The following ESRRB variants were observed in gnomAD, a reference collection of about 807,000 sequenced individuals.
The protein encoded by ESRRB is estrogen related receptor beta, also known as steroid hormone receptor ERR2.
ESRRB carries 16 observed loss-of-function variants against 46.0 expected under a neutral mutation model. The observed-to-expected ratio is 0.35, with a 90% CI of 0.24 to 0.53. The LOEUF is 0.53. ESRRB is among the 20% of genes least tolerant of loss of function. The probability of loss-of-function intolerance (pLI) is 0.93; values close to 1 mark genes in which losing one functional copy is unlikely to be tolerated. For synonymous variants in ESRRB, 246 were observed against 259.6 expected (o/e 0.95, Z 0.50); for missense variants, 488 against 607.4 (o/e 0.80, Z 2.07).
intron 6 of ESRRB, among the ~76,000 whole-genome samples, chr14:76,493,653 G>C (rs1302080240): frequency 6.6e-6 from 1 of 152,234 alleles, no homozygotes; most frequent in African/African-American, 2.4e-5. Flanking sequence ...CAACTGGTTT[G>C]CTCAATACTG....
At chr14:76,314,049 C>T (rs933512296) in intron 1 of ESRRB, among the ~76,000 whole-genome samples, 1 of 152,052 alleles carries the variant, frequency 6.6e-6, no homozygotes, top group Non-Finnish European at 1.5e-5. Flanking sequence ...TATGAGTCTC[C>T]CAGTGAGAGT....
intron 2 of ESRRB, among the ~76,000 whole-genome samples, chr14:76,444,985 A>G (rs939305048): frequency 6.6e-6 from 1 of 151,794 alleles, no homozygotes; most frequent in Admixed American, 6.6e-5. Flanking sequence ...TTGTGTAACA[A>G]AGCGAGACCC....
At chr14:76,470,857 T>A (rs1345295664) in intron 3 of ESRRB, among the ~76,000 whole-genome samples, 2 of 152,158 alleles carry the variant, frequency 1.3e-5, no homozygotes, top group African/African-American at 4.8e-5. Flanking sequence ...GGGGCTAATT[T>A]AAAAAATTTT....
chr14:76,350,547 C>T (rs904940330), intron 1 of ESRRB, among the ~76,000 whole-genome samples: 12 of 152,308 alleles, frequency 7.9e-5, no homozygotes, highest in African/African-American at 2.9e-4. Flanking sequence ...TGTAACTTCA[C>T]AATGAGGGAC....
intron 1 of ESRRB, among the ~76,000 whole-genome samples, chr14:76,324,963 C>CTTTTTTTTTTTTTTTTT (rs34780208): frequency 1.1e-4 from 11 of 102,204 alleles, no homozygotes; most frequent in Admixed American, 2.3e-4. Context: ...TTTTCTTTTT[C>CTTTTTTTTTTTTTTTTT]TTTTTTTTTT....
At chr14:76,438,398 A>C (rs1887763843) in intron 1 of ESRRB, among the ~76,000 whole-genome samples, 2 of 152,190 alleles carry the variant, frequency 1.3e-5, no homozygotes, top group Admixed American at 1.3e-4. Context: ...GCAGTGGCTC[A>C]CACCTGTAAT....
intron 2 of ESRRB, among the ~76,000 whole-genome samples, chr14:76,446,371 T>G (rs1433610610): frequency 1.1e-3 from 74 of 65,820 alleles, no homozygotes; most frequent in Admixed American, 2.7e-3. Context: ...TGTTGTTCGT[T>G]TTTTTTTTTT....
At chr14:76,334,761 G>A (rs1476575279) in intron 1 of ESRRB, among the ~76,000 whole-genome samples, 5 of 152,136 alleles carry the variant, frequency 3.3e-5, no homozygotes, top group African/African-American at 7.2e-5. Flanking sequence ...TCTTTGGGCC[G>A]TCTCCTTTCC....
At chr14:76,421,078 T>A (rs1194124505) in intron 1 of ESRRB, among the ~76,000 whole-genome samples, 1 of 152,096 alleles carries the variant, frequency 6.6e-6, no homozygotes, top group African/African-American at 2.4e-5. Context: ...CAGGAAATAG[T>A]CTGTTTGGCC....
At chr14:76,415,110 G>A (rs773836579) in intron 1 of ESRRB, among the ~76,000 whole-genome samples, 1 of 152,172 alleles carries the variant, frequency 6.6e-6, no homozygotes, top group Non-Finnish European at 1.5e-5. Context: ...CTGCCCTCTA[G>A]GAGCTAGTGG....
At chr14:76,439,207 C>A in intron 1 of ESRRB, 134 bp from the exon 2 acceptor site, 2 of 1,026,196 alleles carry the variant, frequency 1.9e-6, no homozygotes, top group Non-Finnish European at 3.0e-6. Flanking sequence ...GACCAGCTGA[C>A]CTTCTCCACC....
intron 1 of ESRRB, among the ~76,000 whole-genome samples, chr14:76,313,925 G>A (rs1325644816): frequency 6.6e-6 from 1 of 152,192 alleles, no homozygotes; most frequent in Non-Finnish European, 1.5e-5. Context: ...GGTTAAGAGT[G>A]AAATTCTAAT....
intron 1 of ESRRB, among the ~76,000 whole-genome samples, chr14:76,411,795 A>G (rs777184438): frequency 7.2e-5 from 11 of 152,218 alleles, no homozygotes; most frequent in Admixed American, 1.3e-4. Context: ...ATCACTAGCT[A>G]GAGAAGCTTT....
chr14:76,407,422 C>G (rs189432035), intron 1 of ESRRB: 1 of 450,714 alleles, frequency 2.2e-6, no homozygotes, highest in East Asian at 1.5e-4. Context: ...GTTTGAGGGC[C>G]GAAGAGCCTG....
chr14:76,329,288 C>T (rs965394312), intron 1 of ESRRB, among the ~76,000 whole-genome samples: 2 of 152,118 alleles, frequency 1.3e-5, no homozygotes, highest in African/African-American at 2.4e-5. Context: ...GTTTAACTCC[C>T]TTTGACCTTA....
At chr14:76,407,055 G>A (rs949922879) in intron 1 of ESRRB, among the ~76,000 whole-genome samples, 1 of 152,224 alleles carries the variant, frequency 6.6e-6, no homozygotes, top group African/African-American at 2.4e-5. Context: ...TGCCTCCAGT[G>A]GCTGTTGGGA....
intron 1 of ESRRB, among the ~76,000 whole-genome samples, chr14:76,416,133 CTTT>C (rs550161182): frequency 2.3e-5 from 3 of 131,736 alleles, no homozygotes; most frequent in Non-Finnish European, 3.2e-5. Flanking sequence ...ACCATTTTCC[CTTT>C]TTTTTTTTTT....
At chr14:76,414,894 C>T (rs184460667) in intron 1 of ESRRB, among the ~76,000 whole-genome samples, 125 of 152,206 alleles carry the variant, frequency 8.2e-4, no homozygotes, top group African/African-American at 2.7e-3. Flanking sequence ...GGCAAGTCCC[C>T]GGCCCTCTCA....
At chr14:76,358,311 CAAA>C (rs1191247686) in intron 1 of ESRRB, among the ~76,000 whole-genome samples, 17 of 23,114 alleles carry the variant, frequency 7.4e-4, no homozygotes, top group African/African-American at 1.3e-3. Flanking sequence ...GACTCTGTCT[CAAA>C]AAAAAAAAAA....
Sources: gnomAD v4.1 joint callset for allele counts (sites outside exome capture counted in the v4.1 genomes callset) on GRCh38, gnomAD v4.1.1 for gene constraint, MANE v1.5 for transcripts, NCBI Gene and HGNC (gene_info 2026-07-23, HGNC 2026-07-21) for gene names.